The following GSE1 variants were observed in gnomAD, a reference collection of about 807,000 sequenced individuals.
GSE1 encodes genetic suppressor element 1.
Under a neutral mutation model 112.6 loss-of-function variants are expected in GSE1, and 32 were observed. The observed-to-expected ratio is 0.28, with a 90% CI of 0.21 to 0.38. GSE1 has a LOEUF of 0.38. Ranked by LOEUF, GSE1 falls within the 10% of genes least tolerant of loss-of-function variation. GSE1 has a pLI of 1.00. For synonymous variants in GSE1, 1,115 were observed against 735.6 expected (o/e 1.52, Z -8.35); for missense variants, 2,348 against 1,699.2 (o/e 1.38, Z -6.71).
At chr16:85,279,605 ATCAG>A (rs770695836) in intron 1 of GSE1, among the ~76,000 whole-genome samples, 28 of 151,714 alleles carry the variant, frequency 1.8e-4, no homozygotes, top group Non-Finnish European at 3.4e-4. Context: ...CAATCAATCA[ATCAG>A]TCAGTCAATC....
At chr16:85,404,330 G>GC (rs1161066871) in intron 2 of GSE1, among the ~76,000 whole-genome samples, 4 of 38,924 alleles carry the variant, frequency 1.0e-4, no homozygotes, top group African/African-American at 3.7e-4. Context: ...TACACTCAGG[G>GC]CCCCCCGGAT....
chr16:85,231,119 AGGAT>A (rs372178763), intron 1 of GSE1, among the ~76,000 whole-genome samples: 2,198 of 110,154 alleles, frequency 0.02, 201 homozygotes, highest in African/African-American at 0.076. Context: ...GATGGATGAA[AGGAT>A]GGATGGAAGG....
chr16:85,474,199 T>A (rs2050380573), intron 2 of GSE1, among the ~76,000 whole-genome samples: 2 of 151,944 alleles, frequency 1.3e-5, no homozygotes, highest in African/African-American at 2.4e-5. Flanking sequence ...GCCAGGGACC[T>A]GGGACAGAGA....
At position 85,655,841 on chromosome 16, in the gene GSE1, C is replaced by T. The variant is rs746678969; in HGVS notation, c.913C>T (p.Arg305Cys). 3.5e-5 allele frequency: 56 copies of T among 1,610,602 alleles called. No homozygotes were observed. Among genetic ancestry groups the T allele is most frequent in the Non-Finnish European group, 3.6e-5 (43 of 1,179,840 alleles). Residue 305 changes from arginine (R) to cysteine (C), a missense_variant, in exon 6 of 16, where the codon CGC (arginine) becomes TGC (cysteine). Physicochemically the swap from Arg to Cys is radical, Grantham distance 180. Transcript: ENST00000253458. ...SAMHLHLSGV[R>C]YPPELSHSSL... ...GATGCACCTGCACCTCTCTGGGGTC[C>T]GCTACCCTCCCGAGCTCTCCCACTC...
intron 1 of GSE1, among the ~76,000 whole-genome samples, chr16:85,585,077 G>C (rs1186595328): frequency 6.6e-6 from 1 of 152,112 alleles, no homozygotes; most frequent in African/African-American, 2.4e-5. Flanking sequence ...AAGTTGCGAG[G>C]ACATTTTCTA....
intron 1 of GSE1, among the ~76,000 whole-genome samples, chr16:85,243,674 T>C (rs1194805282): frequency 1.3e-5 from 2 of 152,124 alleles, no homozygotes; most frequent in African/African-American, 2.4e-5. Context: ...TGGTGCGCCG[T>C]GGTTTGTCCT....
intron 1 of GSE1, among the ~76,000 whole-genome samples, chr16:85,219,641 C>T (rs772150026): frequency 7.5e-4 from 114 of 152,326 alleles, no homozygotes; most frequent in Non-Finnish European, 1.3e-3. Context: ...TCGCCTGTGG[C>T]ACTTTGAGTG....
At chr16:85,426,902 G>C (rs1345213228) in intron 2 of GSE1, among the ~76,000 whole-genome samples, 1 of 152,194 alleles carries the variant, frequency 6.6e-6, no homozygotes, top group Non-Finnish European at 1.5e-5. Context: ...TGTCTGGTGA[G>C]GGTAGAACAG....
At chr16:85,538,187 A>G (rs950754690) in intron 2 of GSE1, among the ~76,000 whole-genome samples, 2 of 152,188 alleles carry the variant, frequency 1.3e-5, no homozygotes, top group Non-Finnish European at 2.9e-5. Context: ...CCCTAGAGCC[A>G]CCTGTGGCCG....
At chr16:85,197,285 G>T (rs1308227032) in intron 1 of GSE1, among the ~76,000 whole-genome samples, 1 of 152,156 alleles carries the variant, frequency 6.6e-6, no homozygotes, top group Non-Finnish European at 1.5e-5. Flanking sequence ...GGAGAGGGGC[G>T]GGAAGGGAGT....
At chr16:85,630,671 C>G (rs2049469450) in intron 1 of GSE1, among the ~76,000 whole-genome samples, 1 of 152,224 alleles carries the variant, frequency 6.6e-6, no homozygotes, top group Non-Finnish European at 1.5e-5. Flanking sequence ...GGTGCGCGCA[C>G]ATGTGACCAT....
At chr16:85,216,498 AAT>A (rs1209360710) in intron 1 of GSE1, among the ~76,000 whole-genome samples, 3 of 152,162 alleles carry the variant, frequency 2.0e-5, no homozygotes, top group Admixed American at 6.5e-5. Context: ...TAGCTAATAT[AAT>A]ATTTTTTAAG....
chr16:85,371,493 A>T (rs1442013251), intron 2 of GSE1, among the ~76,000 whole-genome samples: 2 of 152,158 alleles, frequency 1.3e-5, no homozygotes, highest in African/African-American at 2.4e-5. Flanking sequence ...GACCTCAGGG[A>T]CAGGCATAAT....
At chr16:85,638,749 A>C (rs1172438982) in intron 2 of GSE1, among the ~76,000 whole-genome samples, 5 of 101,172 alleles carry the variant, frequency 4.9e-5, no homozygotes, top group Admixed American at 2.3e-4. Flanking sequence ...CTACCCCTCC[A>C]CCCACTGCCA....
intron 1 of GSE1, among the ~76,000 whole-genome samples, chr16:85,557,781 A>G (rs552390933): frequency 5.2e-4 from 79 of 151,524 alleles, no homozygotes; most frequent in African/African-American, 1.9e-3. Flanking sequence ...CTGACTTAAA[A>G]AAAAAAAAAA....
Position 85,179,567 on chromosome 16 carries a change from T to C in GSE1, c.2283+7760T>C, listed in dbSNP as rs376943688. ...TGGAGATTTAACCCTCTGAGGACTG[T>C]TTTCCCGTTGGGGGTTTTCAGCAGG... On this transcript the variant is annotated intron_variant, in intron 1 of 2. Transcript: ENST00000637419. Among the ~76,000 whole-genome samples the C allele has an allele frequency of 2.6e-5, 4 of 152,160 alleles. No homozygotes were observed. In the East Asian group the frequency reaches 7.7e-4, roughly 29 times the overall value.
chr16:85,409,356 C>T (rs1344430288), intron 2 of GSE1, among the ~76,000 whole-genome samples: 2 of 42,686 alleles, frequency 4.7e-5, no homozygotes, highest in Non-Finnish European at 9.3e-5. Context: ...CTGGATAATC[C>T]TCACTGTTAC....
chr16:85,471,061 C>T (rs1222414657), intron 2 of GSE1, among the ~76,000 whole-genome samples: 1 of 152,176 alleles, frequency 6.6e-6, no homozygotes, highest in Non-Finnish European at 1.5e-5. Context: ...CAGGCATTCT[C>T]TCCATGGACG....
chr16:85,296,361 T>G (rs907474670), intron 1 of GSE1, among the ~76,000 whole-genome samples: 1 of 151,956 alleles, frequency 6.6e-6, no homozygotes, highest in African/African-American at 2.4e-5. Context: ...TCCCAGCACT[T>G]TGGGAGGCCG....
Sources: gnomAD v4.1 joint callset for allele counts (sites outside exome capture counted in the v4.1 genomes callset) on GRCh38, gnomAD v4.1.1 for gene constraint, MANE v1.5 for transcripts, NCBI Gene and HGNC (gene_info 2026-07-23, HGNC 2026-07-21) for gene names.